RSPH14: variants seen among roughly 807,000 people sequenced by gnomAD.
The protein encoded by RSPH14 is radial spoke head 14 homolog.
A neutral mutation model predicts 26.7 loss-of-function variants in RSPH14; 20 were observed. The ratio of observed to expected loss-of-function variants is 0.75; its 90% CI spans 0.53 to 1.09. RSPH14 has a LOEUF of 1.09. Among genes scored for constraint, RSPH14 ranks in the 50% least tolerant of loss-of-function variants. The probability of loss-of-function intolerance (pLI) is 0.00; values close to 1 mark genes in which losing one functional copy is unlikely to be tolerated. For missense variants in RSPH14, 449 were observed against 457.2 expected (o/e 0.98, Z 0.16); for synonymous variants, 177 against 189.3 (o/e 0.93, Z 0.53).
chr22:23,150,826 GC>G, the RSPH14 span, among the ~76,000 whole-genome samples: 2 of 151,912 alleles, frequency 1.3e-5, no homozygotes, highest in African/African-American at 4.8e-5. Context: ...CACTACCCTT[GC>G]CCCTGGACTG....
chr22:23,142,064 A>C (rs1454134218), upstream of RSPH14: 4 of 984,662 alleles, frequency 4.1e-6, no homozygotes, highest in Non-Finnish European at 4.8e-6. Context: ...CGCGGTCGAC[A>C]TAATCAGCAC....
chr22:23,162,208 G>T, the RSPH14 span: 1 of 205,920 alleles, frequency 4.9e-6, no homozygotes, highest in Non-Finnish European at 9.9e-6. Flanking sequence ...GACCTGTTCT[G>T]GCTGAAGGGC....
intron 4 of RSPH14, among the ~76,000 whole-genome samples, chr22:23,120,725 C>T (rs562388218): frequency 2.3e-4 from 35 of 152,060 alleles, no homozygotes; most frequent in African/African-American, 7.5e-4. Context: ...TTCCCAACCC[C>T]GGAGGAAGCC....
the RSPH14 span, among the ~76,000 whole-genome samples, chr22:23,154,431 G>T: frequency 3.3e-5 from 5 of 152,240 alleles, no homozygotes; most frequent in African/African-American, 9.6e-5. Context: ...GGAGATGGAG[G>T]ATAACAAATC....
the RSPH14 span, among the ~76,000 whole-genome samples, chr22:23,177,008 A>C: frequency 1.3e-5 from 2 of 152,366 alleles, no homozygotes; most frequent in South Asian, 4.1e-4. Flanking sequence ...GGTACTGGCA[A>C]GTTCTATCGG....
rs545890578 is a variant in RSPH14, at chr22:23,141,955, C to T, written c.-59G>A. Reference sequence around the variant, plus strand: ...CCCACCACCGCCGCCTCACCTGCCTCCGCAGCCCTTTCTGCTTCCAGTAGC... The same window carrying T: ...CCCACCACCGCCGCCTCACCTGCCTTCGCAGCCCTTTCTGCTTCCAGTAGC... On this transcript the variant is annotated 5_prime_UTR_variant, in exon 1 of 7. Transcript: ENST00000216036. 1.0e-6 allele frequency: 1 copy of T among 985,572 alleles called. No individual in the cohort carries two copies. The highest frequency in any genetic ancestry group is 1.2e-6 in the Non-Finnish European group (1 of 830,108). The allele number at this position is 985,572 out of a possible 1,614,324, so 61.1% of individuals were successfully genotyped here.
At chr22:23,099,929 A>G (rs980500638) in intron 4 of RSPH14, among the ~76,000 whole-genome samples, 1 of 152,224 alleles carries the variant, frequency 6.6e-6, no homozygotes, top group African/African-American at 2.4e-5. Context: ...CGGATCAGCT[A>G]ATGGACTCTG....
At chr22:23,075,225 C>T (rs995523894) in intron 4 of RSPH14, among the ~76,000 whole-genome samples, 2 of 152,122 alleles carry the variant, frequency 1.3e-5, no homozygotes. Context: ...CCTGAGTGGG[C>T]GGGTGGGTTG....
At chr22:23,130,776 A>G (rs1430360879) in intron 4 of RSPH14, among the ~76,000 whole-genome samples, 1 of 152,238 alleles carries the variant, frequency 6.6e-6, no homozygotes, top group African/African-American at 2.4e-5. Flanking sequence ...ATGAGGTGTC[A>G]GGCAGAGGGA....
At chr22:23,142,064 A>G (rs1454134218), upstream of RSPH14, 1 of 984,780 alleles carries the variant, frequency 1.0e-6, no homozygotes, top group South Asian at 4.7e-5. Context: ...CGCGGTCGAC[A>G]TAATCAGCAC....
the RSPH14 span, chr22:23,160,833 C>T: frequency 6.3e-7 from 1 of 1,589,892 alleles, no homozygotes; most frequent in Non-Finnish European, 8.6e-7. Context: ...CATTAAGGGG[C>T]AAGGAGAAAC....
chr22:23,160,209 T>G, the RSPH14 span, among the ~76,000 whole-genome samples: 2 of 152,194 alleles, frequency 1.3e-5, no homozygotes, highest in Non-Finnish European at 2.9e-5. Flanking sequence ...CGCAAACAAC[T>G]GGCAGTGCCT....
intron 4 of RSPH14, among the ~76,000 whole-genome samples, chr22:23,112,872 T>G (rs182197681): frequency 6.6e-6 from 1 of 152,290 alleles, no homozygotes; most frequent in East Asian, 1.9e-4. Context: ...GGGCCTGGTC[T>G]GGGGACCCCA....
chr22:23,121,111 C>T (rs1183673343), intron 4 of RSPH14, among the ~76,000 whole-genome samples: 1 of 152,186 alleles, frequency 6.6e-6, no homozygotes, highest in Non-Finnish European at 1.5e-5. Context: ...ACTGCGGAGG[C>T]GCTGGCTCCT....
chr22:23,175,573 A>G, the RSPH14 span, among the ~76,000 whole-genome samples: 1 of 148,762 alleles, frequency 6.7e-6, no homozygotes, highest in Non-Finnish European at 1.5e-5. Flanking sequence ...CCGCCCGCCT[A>G]GCCTCCCAAA....
chr22:23,078,225 A>C (rs2068560829), intron 4 of RSPH14, among the ~76,000 whole-genome samples: 2 of 152,356 alleles, frequency 1.3e-5, no homozygotes, highest in South Asian at 4.1e-4. Flanking sequence ...TGGGAAGAAA[A>C]ATAATTAGAG....
At chr22:23,172,072 A>G in the RSPH14 span, among the ~76,000 whole-genome samples, 6 of 152,240 alleles carry the variant, frequency 3.9e-5, no homozygotes, top group Non-Finnish European at 5.9e-5. Flanking sequence ...TTCTGTAAGA[A>G]TAAGACATAC....
intron 3 of RSPH14, among the ~76,000 whole-genome samples, chr22:23,138,483 C>G (rs573964134): frequency 6.6e-6 from 1 of 152,070 alleles, no homozygotes; most frequent in Non-Finnish European, 1.5e-5. Flanking sequence ...ATTGCTTGAA[C>G]CCAAAGAGGC....
At chr22:23,125,826 G>C (rs1300026682) in intron 4 of RSPH14, among the ~76,000 whole-genome samples, 1 of 152,174 alleles carries the variant, frequency 6.6e-6, no homozygotes, top group Non-Finnish European at 1.5e-5. Flanking sequence ...GCACAGGATG[G>C]AAGCCTACAG....
Sources: gnomAD v4.1 joint callset for allele counts (sites outside exome capture counted in the v4.1 genomes callset) on GRCh38, gnomAD v4.1.1 for gene constraint, MANE v1.5 for transcripts, NCBI Gene and HGNC (gene_info 2026-07-23, HGNC 2026-07-21) for gene names.